Variants in CELF1 observed in about 807,000 individuals in gnomAD.
The protein encoded by CELF1 is CUGBP Elav-like family member 1.
A neutral mutation model predicts 61.8 loss-of-function variants in CELF1; 10 were observed. That is an observed-to-expected ratio of 0.16 (90% CI 0.10 to 0.27). The LOEUF (loss-of-function observed/expected upper bound fraction) is 0.27, where lower values mean the gene tolerates loss of function less well. CELF1 is among the 10% of genes least tolerant of loss of function. The probability of loss-of-function intolerance (pLI) is 1.00; values close to 1 mark genes in which losing one functional copy is unlikely to be tolerated. For synonymous variants in CELF1, 236 were observed against 225.1 expected (o/e 1.05, Z -0.43); for missense variants, 380 against 639.1 (o/e 0.59, Z 4.37).
intron 2 of CELF1, among the ~76,000 whole-genome samples, chr11:47,500,038 G>T (rs1253452821): frequency 6.6e-6 from 1 of 152,172 alleles, no homozygotes; most frequent in Non-Finnish European, 1.5e-5. Flanking sequence ...GCCAAAGACA[G>T]CAATGAGCAC....
At chr11:47,486,631 A>T (rs2087397867) in intron 6 of CELF1, 119 bp downstream of exon 6, 1 of 780,648 alleles carries the variant, frequency 1.3e-6, no homozygotes, top group Non-Finnish European at 2.2e-6. Context: ...ACTGGCTCGA[A>T]CTCCGGCCTC....
Position 47,468,316 on chromosome 11 carries a change from G to A in CELF1, c.*3914C>T, listed in dbSNP as rs986778487. The A allele has an allele frequency of 6.6e-6, 1 of 152,192 alleles. No individual in the cohort carries two copies. The allele number at this position is 152,192 out of a possible 1,614,324, so 9.4% of individuals were successfully genotyped here. A position where few individuals can be genotyped will look rare whatever the true frequency, so the allele number is the denominator to read the frequency against. On this transcript the variant is annotated 3_prime_UTR_variant, in exon 15 of 15. Coordinates refer to ENST00000687097, the MANE Select transcript of CELF1 (RefSeq NM_001376376.1). ...GCTCTCCGCAGTTGAGAACTCAGAA[G>A]AAAAACAAAAGAAAGAACAATACAT...
chr11:47,530,096 A>G (rs2096413594), intron 1 of CELF1, among the ~76,000 whole-genome samples: 1 of 152,222 alleles, frequency 6.6e-6, no homozygotes, highest in African/African-American at 2.4e-5. Flanking sequence ...CGCACTGCGC[A>G]TATTGTATAT....
chr11:47,524,031 T>G (rs532338972), intron 1 of CELF1: 147 of 152,200 alleles, frequency 9.7e-4, no homozygotes, highest in African/African-American at 3.4e-3. Context: ...AGGCCAAACT[T>G]TACAAAGCAC....
intron 1 of CELF1, among the ~76,000 whole-genome samples, chr11:47,547,734 G>A (rs1468608067): frequency 2.0e-5 from 3 of 151,136 alleles, no homozygotes; most frequent in Non-Finnish European, 4.4e-5. Flanking sequence ...ATGATGCAGG[G>A]ACCCTGAAAA....
intron 9 of CELF1, 86 bp from the exon 10 acceptor site, chr11:47,479,038 G>T (rs2081506005): frequency 9.7e-7 from 1 of 1,028,734 alleles, no homozygotes; most frequent in Non-Finnish European, 1.5e-6. Context: ...AGCAAAGCGA[G>T]AGTGCAGAGG....
chr11:47,513,812 T>A (rs2095391352), intron 1 of CELF1: 2 of 151,946 alleles, frequency 1.3e-5, no homozygotes, highest in South Asian at 4.2e-4. Flanking sequence ...CTGTTTTAAT[T>A]TTTCCATTTC....
At chr11:47,473,279 G>A (rs749914006) in intron 13 of CELF1, 48 bp from the exon 14 acceptor site, 16 of 1,567,950 alleles carry the variant, frequency 1.0e-5, no homozygotes, top group South Asian at 8.1e-5. Flanking sequence ...AAACATGCTC[G>A]TCGCCCTGCA....
chr11:47,538,918 A>G (rs1365967782), intron 1 of CELF1, among the ~76,000 whole-genome samples: 1 of 152,200 alleles, frequency 6.6e-6, no homozygotes, highest in African/African-American at 2.4e-5. Flanking sequence ...AGCTGGGACC[A>G]GAGAGACTCC....
intron 1 of CELF1, among the ~76,000 whole-genome samples, chr11:47,508,704 A>G (rs1189877855): frequency 3.9e-5 from 6 of 151,966 alleles, no homozygotes; most frequent in African/African-American, 1.4e-4. Flanking sequence ...ACACATAAAT[A>G]AACAACACTG....
intron 1 of CELF1, among the ~76,000 whole-genome samples, chr11:47,546,293 T>C (rs2096949324): frequency 7.4e-6 from 1 of 135,024 alleles, no homozygotes; most frequent in Non-Finnish European, 1.6e-5. Context: ...GGGAATGGAG[T>C]TTTGCTCTTG....
intron 9 of CELF1, among the ~76,000 whole-genome samples, chr11:47,480,089 CTTT>C (rs972385893): frequency 2.3e-4 from 32 of 139,148 alleles, no homozygotes; most frequent in Middle Eastern, 3.7e-3. Context: ...CACGTCTACA[CTTT>C]TTTTTTTTTT....
In CELF1 at chr11:47,510,011, G is replaced by A. The variant is rs184018330; in HGVS notation, c.-153-9079C>T. On this transcript the variant is annotated intron_variant, in intron 1 of 14. Coordinates refer to ENST00000687097, the MANE Select transcript of CELF1 (RefSeq NM_001376376.1). ...CGGGAAGCGGAGGTTGCAGTGAGCCGAGATCCCGCCACTGCATTCCAGCCT... is the reference window on the plus strand; with the variant it reads ...CGGGAAGCGGAGGTTGCAGTGAGCCAAGATCCCGCCACTGCATTCCAGCCT... Among the ~76,000 whole-genome samples the A allele has an allele frequency of 4.3e-3, 659 of 151,646 alleles. 2 individuals carry two copies. The highest frequency in any genetic ancestry group is 0.014 in the African/African-American group (598 of 41,340).
chr11:47,533,716 A>G (rs145619451), intron 1 of CELF1, among the ~76,000 whole-genome samples: 1,753 of 150,794 alleles, frequency 0.012, 25 homozygotes, highest in South Asian at 0.037. Flanking sequence ...AGGCTAAGGC[A>G]GAAGCATCAC....
intron 3 of CELF1, among the ~76,000 whole-genome samples, chr11:47,493,035 C>T (rs2153506442): frequency 6.6e-6 from 1 of 152,236 alleles, no homozygotes; most frequent in African/African-American, 2.4e-5. Flanking sequence ...CTGTTTAGTG[C>T]TAAAGCATAA....
At chr11:47,533,423 A>G (rs1408986436) in intron 1 of CELF1, among the ~76,000 whole-genome samples, 3 of 152,080 alleles carry the variant, frequency 2.0e-5, no homozygotes, top group Admixed American at 2.0e-4. Context: ...GGAGTTCACG[A>G]CCAGCCTGGG....
chr11:47,531,520 G>T (rs969442142), intron 1 of CELF1, among the ~76,000 whole-genome samples: 1 of 152,096 alleles, frequency 6.6e-6, no homozygotes, highest in African/African-American at 2.4e-5. Context: ...AGTGAGCCAA[G>T]ATCACACCAC....
intron 7 of CELF1, 121 bp downstream of exon 7, chr11:47,484,268 A>T: frequency 9.8e-7 from 1 of 1,022,464 alleles, no homozygotes; most frequent in Non-Finnish European, 1.4e-6. Context: ...TGAGTTGTGA[A>T]GGCACCACTG....
intron 10 of CELF1, among the ~76,000 whole-genome samples, chr11:47,478,430 G>C (rs1046276553): frequency 1.3e-5 from 2 of 152,306 alleles, no homozygotes; most frequent in Admixed American, 1.3e-4. Flanking sequence ...ATTCACCTAA[G>C]AAACAAGAAG....
Sources: allele counts gnomAD v4.1 joint callset (sites outside exome capture counted in the v4.1 genomes callset), GRCh38; gene constraint gnomAD v4.1.1; transcripts MANE v1.5; gene names NCBI Gene and HGNC (gene_info 2026-07-23, HGNC 2026-07-21).